The following RNF24 variants were observed in gnomAD, a reference collection of about 807,000 sequenced individuals.
RNF24 encodes ring finger protein 24.
In RNF24, 14 loss-of-function variants were observed where a neutral mutation model predicts 20.0. The observed-to-expected ratio is 0.70, with a 90% CI of 0.46 to 1.10. The LOEUF (loss-of-function observed/expected upper bound fraction) is 1.10. Ranked by LOEUF, RNF24 falls within the 50% of genes least tolerant of loss-of-function variation. The pLI, the probability that RNF24 is intolerant of heterozygous loss-of-function variation, is 0.00. For synonymous variants in RNF24, 45 were observed against 61.1 expected, an observed-to-expected ratio of 0.74 and a Z score of 1.23; for missense variants, 124 against 177.6, an observed-to-expected ratio of 0.70 and a Z score of 1.71.
At chr20:3,945,003 C>T (rs575230259) in intron 4 of RNF24, among the ~76,000 whole-genome samples, 174 bp downstream of exon 4, 1 of 152,244 alleles carries the variant, frequency 6.6e-6, no homozygotes, top group African/African-American at 2.4e-5. Flanking sequence ...ATATTACTCT[C>T]GTAAAGCCTT....
chr20:3,962,806 G>A (rs1225182192), intron 2 of RNF24, among the ~76,000 whole-genome samples: 4 of 151,596 alleles, frequency 2.6e-5, no homozygotes, highest in African/African-American at 9.7e-5. Context: ...TCCCTCCCGG[G>A]TTCAAGGGAT....
intron 4 of RNF24, among the ~76,000 whole-genome samples, chr20:3,938,902 C>T (rs533722871): frequency 2.0e-4 from 30 of 152,128 alleles, no homozygotes; most frequent in African/African-American, 6.7e-4. Flanking sequence ...GCACACATCA[C>T]GACACCCAAC....
chr20:3,958,089 T>C (rs769097693), intron 2 of RNF24, among the ~76,000 whole-genome samples: 3 of 152,246 alleles, frequency 2.0e-5, no homozygotes, highest in Admixed American at 6.5e-5. Context: ...CTGTGATGTA[T>C]GCAAGCTTTC....
At chr20:4,006,993 C>A (rs1182497218) in intron 1 of RNF24, among the ~76,000 whole-genome samples, 1 of 152,248 alleles carries the variant, frequency 6.6e-6, no homozygotes, top group Non-Finnish European at 1.5e-5. Context: ...TTAGAACCCT[C>A]AATTTACCCA....
At chr20:4,014,456 C>CT (rs1372141862) in intron 1 of RNF24, among the ~76,000 whole-genome samples, 1 of 152,146 alleles carries the variant, frequency 6.6e-6, no homozygotes, top group Non-Finnish European at 1.5e-5. Context: ...AAGCAGTGTC[C>CT]TGTACGGTGG....
At chr20:3,982,041 C>T (rs1009889797) in intron 1 of RNF24, among the ~76,000 whole-genome samples, 1 of 150,318 alleles carries the variant, frequency 6.7e-6, no homozygotes, top group Admixed American at 6.7e-5. Flanking sequence ...TCACCTGAGC[C>T]CAGGAGCAGT....
intron 3 of RNF24, among the ~76,000 whole-genome samples, chr20:3,947,035 A>C (rs2091027161): frequency 6.6e-6 from 1 of 152,178 alleles, no homozygotes; most frequent in African/African-American, 2.4e-5. Flanking sequence ...TACTAAAAAT[A>C]CAAAAATTAG....
chr20:3,934,317 GCTCCC>G lies in RNF24; in HGVS notation c.309-121_309-117del. ...CAACGTCTGCTGTATGGTCCAAGGA[GCTCCC>G]CTCCTAGGTGGTGAACGGATGTCAC... On this transcript the variant is annotated intron_variant, in intron 5 of 5. Coordinates refer to ENST00000358395, the MANE Select transcript of RNF24 (RefSeq NM_001134337.3). This position sits in a 1 kb window ranked among gnomAD's most constrained non-coding sequence, Gnocchi z 4.0. 2 of 1,030,550 alleles carry G rather than the reference GCTCCC, an allele frequency of 1.9e-6. No individual in the cohort carries two copies. The highest frequency in any genetic ancestry group is 2.7e-6 in the Non-Finnish European group (2 of 734,350). The allele number at this position is 1,030,550 out of a possible 1,614,324, so 63.8% of individuals were successfully genotyped here. A position where few individuals can be genotyped will look rare whatever the true frequency, so the allele number is the denominator to read the frequency against.
chr20:3,990,393 C>G (rs1980331205), intron 1 of RNF24, among the ~76,000 whole-genome samples: 2 of 152,150 alleles, frequency 1.3e-5, no homozygotes, highest in South Asian at 4.1e-4. Context: ...CCAGCAATTC[C>G]ACATTTAGGA....
At chr20:3,975,669 T>C (rs1044643696) in intron 1 of RNF24, among the ~76,000 whole-genome samples, 1 of 152,192 alleles carries the variant, frequency 6.6e-6, no homozygotes, top group Admixed American at 6.5e-5. Context: ...TTAATTCAGA[T>C]GTAATTAAGA....
intron 1 of RNF24, among the ~76,000 whole-genome samples, chr20:3,985,457 GC>G (rs767759747): frequency 6.6e-6 from 1 of 151,612 alleles, no homozygotes; most frequent in Non-Finnish European, 1.5e-5. Flanking sequence ...ATCCTTTCCA[GC>G]CCTGTTACTG....
At chr20:3,963,122 T>A (rs1158861926) in intron 2 of RNF24, among the ~76,000 whole-genome samples, 1 of 152,250 alleles carries the variant, frequency 6.6e-6, no homozygotes, top group Admixed American at 6.5e-5. Flanking sequence ...ATTTAATTAA[T>A]TTGGAGGAAG....
At chr20:3,988,890 G>A (rs1980162698) in intron 1 of RNF24, among the ~76,000 whole-genome samples, 2 of 151,364 alleles carry the variant, frequency 1.3e-5, no homozygotes, top group Non-Finnish European at 1.5e-5. Context: ...TGCAGGTGAC[G>A]GTAAAATAAA....
At chr20:3,951,111 A>G (rs1019914996) in intron 2 of RNF24, among the ~76,000 whole-genome samples, 1 of 152,184 alleles carries the variant, frequency 6.6e-6, no homozygotes, top group African/African-American at 2.4e-5. Context: ...ACCCACTAAC[A>G]TGCCCGGCTA....
intron 3 of RNF24, among the ~76,000 whole-genome samples, chr20:3,945,494 C>T (rs2091005390): frequency 6.6e-6 from 1 of 151,964 alleles, no homozygotes; most frequent in Non-Finnish European, 1.5e-5. Flanking sequence ...GCGGGTGGGT[C>T]GCCTGAGGTC....
chr20:3,993,636 T>C (rs1980634389), intron 1 of RNF24, among the ~76,000 whole-genome samples: 1 of 152,098 alleles, frequency 6.6e-6, no homozygotes, highest in Non-Finnish European at 1.5e-5. Context: ...CCTGCTGCCT[T>C]CCATGGACCT....
At chr20:3,999,742 C>T (rs188794572) in intron 1 of RNF24, among the ~76,000 whole-genome samples, 4 of 152,018 alleles carry the variant, frequency 2.6e-5, no homozygotes, top group East Asian at 1.9e-4. Flanking sequence ...CAACGAGAGG[C>T]GAAACTCTGT....
At chr20:3,956,772 TA>T (rs1475421999) in intron 2 of RNF24, among the ~76,000 whole-genome samples, 1 of 152,224 alleles carries the variant, frequency 6.6e-6, no homozygotes, top group African/African-American at 2.4e-5. Context: ...GTAGTTCAAA[TA>T]ATCTATATCC....
At chr20:3,950,855 T>C (rs1424619085) in intron 2 of RNF24, among the ~76,000 whole-genome samples, 3 of 152,196 alleles carry the variant, frequency 2.0e-5, no homozygotes, top group African/African-American at 4.8e-5. Flanking sequence ...ACAGACCTTA[T>C]TTGAATTTTA....
Sources: allele counts gnomAD v4.1 joint callset (sites outside exome capture counted in the v4.1 genomes callset), GRCh38; gene constraint gnomAD v4.1.1; non-coding constraint Gnocchi (gnomAD v3.1); transcripts MANE v1.5; gene names NCBI Gene and HGNC (gene_info 2026-07-23, HGNC 2026-07-21).